ANK1: variants seen among roughly 807,000 people sequenced by gnomAD.
ANK1 encodes the protein ankyrin 1, also known as ankyrin-1.
A neutral mutation model predicts 210.4 loss-of-function variants in ANK1; 51 were observed. The ratio of observed to expected loss-of-function variants is 0.24; its 90% confidence interval spans 0.19 to 0.31. The LOEUF (loss-of-function observed/expected upper bound fraction) is 0.31, where lower values mean the gene tolerates loss of function less well. Among genes scored for constraint, ANK1 ranks in the 10% least tolerant of loss-of-function variants. The probability of loss-of-function intolerance (pLI) is 1.00; values close to 1 mark genes in which losing one functional copy is unlikely to be tolerated. For synonymous variants in ANK1, 967 were observed against 1,025.9 expected, an observed-to-expected ratio of 0.94 and a Z score of 1.10; for missense variants, 2,051 against 2,504.4, an observed-to-expected ratio of 0.82 and a Z score of 3.86.
At chr8:41,775,803 C>T (rs1843908506) in intron 1 of ANK1, among the ~76,000 whole-genome samples, 1 of 152,150 alleles carries the variant, frequency 6.6e-6, no homozygotes, top group African/African-American at 2.4e-5. Context: ...GGGAGAATCG[C>T]TTGAGGCCAG....
At chr8:41,753,485 C>T (rs752448662) in intron 2 of ANK1, among the ~76,000 whole-genome samples, 3 of 152,140 alleles carry the variant, frequency 2.0e-5, no homozygotes, top group Non-Finnish European at 4.4e-5. Context: ...TTAGCACACA[C>T]ATGCATGCAC....
rs1202621919 is a variant in ANK1, at chr8:41,708,982, CAGA to C, written c.1801-10_1801-8del. The stretch of plus-strand genomic sequence containing the variant: ...GCAAAGGGGTGTAGCCATTCTGAAA[CAGA>C]AGAAGCCGCCCAGAGCCTGGTTACA... On this transcript the variant is annotated splice_polypyrimidine_tract_variant and splice_region_variant and intron_variant, in intron 16 of 42. Transcript: ENST00000289734. The C allele has an allele frequency of 6.2e-7, 1 of 1,613,716 alleles. No homozygotes were observed. The highest frequency in any genetic ancestry group is 1.3e-5 in the African/African-American group (1 of 75,032).
At chr8:41,803,593 A>G (rs1850500603) in intron 1 of ANK1, 2 of 151,634 alleles carry the variant, frequency 1.3e-5, no homozygotes, top group African/African-American at 4.9e-5. Context: ...GATATCCAAT[A>G]TATTTTTGAA....
Position 41,655,591 on chromosome 8 carries a change from C to A in ANK1, c.*199G>T. 9.5e-7 allele frequency: 1 copy of A among 1,051,682 alleles called. No individual in the cohort carries two copies. The highest frequency in any genetic ancestry group is 1.4e-5 in the South Asian group (1 of 74,018). The allele number at this position is 1,051,682 out of a possible 1,614,324, so 65.1% of individuals were successfully genotyped here. A position where few individuals can be genotyped will look rare whatever the true frequency, so the allele number is the denominator to read the frequency against. On this transcript the variant is annotated 3_prime_UTR_variant, in exon 43 of 43. Coordinates refer to ENST00000289734, the MANE Select transcript of ANK1 (RefSeq NM_000037.4). ...AGCCTGGAGGTCATGCGTCTACAGT[C>A]AGTCATTCATGCCAAGAGGGGACTA...
chr8:41,736,384 T>A (rs1375631401), intron 2 of ANK1, among the ~76,000 whole-genome samples: 1 of 152,150 alleles, frequency 6.6e-6, no homozygotes, highest in Admixed American at 6.5e-5. Flanking sequence ...CAGGGCGAGC[T>A]TTTTCAGGCA....
chr8:41,767,733 GC>G (rs1377123124), intron 1 of ANK1, among the ~76,000 whole-genome samples: 1 of 152,132 alleles, frequency 6.6e-6, no homozygotes, highest in Non-Finnish European at 1.5e-5. Flanking sequence ...CGGGCGTCCT[GC>G]CCCTGCGGAG....
At chr8:41,702,283 A>G in intron 20 of ANK1, 139 bp from the exon 21 acceptor site, 1 of 670,202 alleles carries the variant, frequency 1.5e-6, no homozygotes. Context: ...TGGGGCCCAG[A>G]AAGAGATCCC....
At chr8:41,774,976 G>C (rs1362222933) in intron 1 of ANK1, among the ~76,000 whole-genome samples, 1 of 152,196 alleles carries the variant, frequency 6.6e-6, no homozygotes, top group Non-Finnish European at 1.5e-5. Context: ...CGGCCTGCTG[G>C]TATGCGAGGA....
chr8:41,793,483 T>C (rs1848160731), intron 1 of ANK1, among the ~76,000 whole-genome samples: 2 of 152,244 alleles, frequency 1.3e-5, no homozygotes, highest in South Asian at 4.1e-4. Flanking sequence ...GTGAAGCCAC[T>C]GAAGATTTAA....
intron 20 of ANK1, 56 bp from the exon 21 acceptor site, chr8:41,702,200 G>A: frequency 6.8e-7 from 1 of 1,468,298 alleles, no homozygotes; most frequent in South Asian, 1.1e-5. Context: ...TAGGAGGCGG[G>A]GCTGGCTCCC....
chr8:41,807,959 G>C (rs1851212296), intron 1 of ANK1, among the ~76,000 whole-genome samples: 1 of 150,416 alleles, frequency 6.6e-6, no homozygotes, highest in African/African-American at 2.4e-5. Context: ...AGGAGGGGAA[G>C]AGGAGGAGGG....
chr8:41,710,187 C>T (rs890899032), intron 16 of ANK1, among the ~76,000 whole-genome samples: 1 of 152,188 alleles, frequency 6.6e-6, no homozygotes, highest in Non-Finnish European at 1.5e-5. Context: ...AGAGACAGTT[C>T]CCAGGTGGGC....
chr8:41,887,634 G>A (rs1374520766), intron 1 of ANK1, among the ~76,000 whole-genome samples: 3 of 152,146 alleles, frequency 2.0e-5, no homozygotes, highest in Non-Finnish European at 4.4e-5. Flanking sequence ...ACATGACAAA[G>A]ATGACCACTG....
In ANK1 at chr8:41,779,358, C is replaced by G. The variant is rs374890454; in HGVS notation, c.27+18154G>C. On this transcript the variant is annotated intron_variant, in intron 1 of 42. Transcript: ENST00000289734. ...GAACTCCTGGGCTCAAGAGGGCCTT[C>G]CACCTCAGCCTCCCAAGCAGCTGGG... Among the ~76,000 whole-genome samples, 147 of 152,254 alleles carry G rather than the reference C, an allele frequency of 9.7e-4. No individual in the cohort carries two copies. The South Asian group carries it at 0.028, about 29-fold the overall frequency.
chr8:41,715,577 G>A (rs1355824604), intron 14 of ANK1, 75 bp downstream of exon 14: 1 of 1,561,012 alleles, frequency 6.4e-7, no homozygotes, highest in Non-Finnish European at 8.7e-7. Flanking sequence ...GAACCAGGCA[G>A]GAATTCCCCT....
chr8:41,831,860 C>T (rs568099563), intron 1 of ANK1, among the ~76,000 whole-genome samples: 43 of 152,226 alleles, frequency 2.8e-4, no homozygotes, highest in African/African-American at 7.2e-4. Context: ...TACTAAGGAG[C>T]GAATATGGAT....
chr8:41,775,199 T>C (rs1843748743), intron 1 of ANK1, among the ~76,000 whole-genome samples: 1 of 152,216 alleles, frequency 6.6e-6, no homozygotes, highest in African/African-American at 2.4e-5. Flanking sequence ...ATTCCCACCC[T>C]TCCTTAGAAA....
intron 39 of ANK1, among the ~76,000 whole-genome samples, chr8:41,667,773 A>G (rs777338243): frequency 3.7e-4 from 56 of 152,226 alleles, no homozygotes; most frequent in Non-Finnish European, 5.3e-4. Context: ...TAGCCACAGA[A>G]TTCCAGAGCC....
intron 3 of ANK1, among the ~76,000 whole-genome samples, chr8:41,729,261 G>A (rs1395796928): frequency 2.6e-5 from 4 of 152,222 alleles, no homozygotes; most frequent in East Asian, 1.9e-4. Flanking sequence ...TCCAAGAGGA[G>A]AGAAAAACTG....
Sources: allele counts gnomAD v4.1 joint callset (sites outside exome capture counted in the v4.1 genomes callset), GRCh38; gene constraint gnomAD v4.1.1; transcripts MANE v1.5; gene names NCBI Gene and HGNC (gene_info 2026-07-23, HGNC 2026-07-21).